The following CAMKMT variants were observed in gnomAD, a reference collection of about 807,000 sequenced individuals.
CAMKMT encodes calmodulin-lysine N-methyltransferase.
CAMKMT carries 53 observed loss-of-function variants against 48.0 expected under a neutral mutation model. That is an observed-to-expected ratio of 1.10 (90% CI 0.89 to 1.39). The LOEUF (loss-of-function observed/expected upper bound fraction) is 1.39. CAMKMT is among the 40% of genes most tolerant of loss of function. The probability of loss-of-function intolerance (pLI) is 0.00; values close to 1 mark genes in which losing one functional copy is unlikely to be tolerated. For synonymous variants in CAMKMT, 165 were observed against 152.3 expected (o/e 1.08, Z -0.61); for missense variants, 428 against 402.7 (o/e 1.06, Z -0.54).
At position 44,481,792 on chromosome 2, in the gene CAMKMT, T is replaced by C. The variant is rs2104684484; in HGVS notation, c.376+91487T>C. Among the ~76,000 whole-genome samples, 3 of 152,168 alleles carry C rather than the reference T, an allele frequency of 2.0e-5. 1 individual carries two copies. Among genetic ancestry groups the C allele is most frequent in the Non-Finnish European group, 4.4e-5 (3 of 67,896 alleles). On this transcript the variant is annotated intron_variant, in intron 3 of 10. Coordinates refer to ENST00000378494, the MANE Select transcript of CAMKMT (RefSeq NM_024766.5). ...CAAAGCTTGGAGTTGTTTTCAGAAA[T>C]TGAATGTATGCTGGTTTAAAAAATA...
intron 3 of CAMKMT, among the ~76,000 whole-genome samples, chr2:44,621,281 A>AATAAAATAAAATAAAAT (rs763807418): frequency 6.6e-6 from 1 of 151,070 alleles, no homozygotes; most frequent in African/African-American, 2.5e-5. Context: ...AAAAAAAAAA[A>AATAAAATAAAATAAAAT]AAAAGCATAA....
intron 3 of CAMKMT, among the ~76,000 whole-genome samples, chr2:44,528,143 C>G (rs752005382): frequency 3.3e-5 from 5 of 152,056 alleles, no homozygotes; most frequent in Admixed American, 6.6e-5. Flanking sequence ...CTGAATTTGT[C>G]CCTTTCTTTC....
intron 3 of CAMKMT, among the ~76,000 whole-genome samples, chr2:44,614,936 CTTTTTTT>C (rs3083440): frequency 1.4e-4 from 7 of 48,990 alleles, no homozygotes; most frequent in South Asian, 2.2e-3. Context: ...GGTCTCCTTG[CTTTTTTT>C]TTTTTTTTTT....
intron 3 of CAMKMT, among the ~76,000 whole-genome samples, chr2:44,619,772 T>C (rs1462594343): frequency 6.6e-6 from 1 of 152,226 alleles, no homozygotes; most frequent in Non-Finnish European, 1.5e-5. Flanking sequence ...GCACTTAACA[T>C]TGGATTTAGA....
chr2:44,721,218 G>A (rs529128878), intron 7 of CAMKMT, among the ~76,000 whole-genome samples: 1 of 152,046 alleles, frequency 6.6e-6, no homozygotes, highest in South Asian at 2.1e-4. Context: ...GACTTTGTTG[G>A]GAATCTACTA....
chr2:44,409,958 G>C (rs562468092), intron 3 of CAMKMT, among the ~76,000 whole-genome samples: 3 of 152,026 alleles, frequency 2.0e-5, no homozygotes, highest in Admixed American at 2.0e-4. Context: ...TAATGAAATA[G>C]ACAAATAATT....
intron 3 of CAMKMT, among the ~76,000 whole-genome samples, chr2:44,474,857 A>C (rs922233647): frequency 8.5e-5 from 13 of 152,226 alleles, no homozygotes; most frequent in African/African-American, 3.1e-4. Context: ...CTATTCTGCT[A>C]AAATGTAAGC....
rs754321350 is a variant in CAMKMT at position 44,707,467 on chromosome 2, C to A, written c.556+5C>A. ...GGAATGAAAAGGCCATCAGAAGTAT[C>A]CTTATTCAGATAGAAAACGGGTTTG... On this transcript the variant is annotated splice_donor_5th_base_variant and intron_variant, in intron 6 of 10. Coordinates refer to ENST00000378494, the MANE Select transcript of CAMKMT (RefSeq NM_024766.5). 1.9e-5 allele frequency: 31 copies of A among 1,610,476 alleles called. No homozygotes were observed. The highest frequency in any genetic ancestry group is 4.0e-5 in the African/African-American group (3 of 74,684).
At chr2:44,433,943 A>G (rs954606635) in intron 3 of CAMKMT, among the ~76,000 whole-genome samples, 1 of 152,184 alleles carries the variant, frequency 6.6e-6, no homozygotes, top group Non-Finnish European at 1.5e-5. Flanking sequence ...TTGTAAATAA[A>G]TGTGTGTTTT....
chr2:44,380,315 AAGAT>A (rs1482077743), intron 2 of CAMKMT, among the ~76,000 whole-genome samples: 1 of 152,036 alleles, frequency 6.6e-6, no homozygotes, highest in Admixed American at 6.6e-5. Flanking sequence ...GTTTAGGACA[AAGAT>A]AGAGTGAACT....
chr2:44,466,509 G>A (rs550319108), intron 3 of CAMKMT, among the ~76,000 whole-genome samples: 20 of 152,042 alleles, frequency 1.3e-4, no homozygotes, highest in African/African-American at 4.3e-4. Flanking sequence ...TAAAACTTAC[G>A]GAATGCAGCA....
At chr2:44,713,372 T>G (rs1408299890) in intron 6 of CAMKMT, among the ~76,000 whole-genome samples, 1 of 151,972 alleles carries the variant, frequency 6.6e-6, no homozygotes, top group Non-Finnish European at 1.5e-5. Flanking sequence ...CTAAGGAGGG[T>G]GTGGCCAGAG....
At chr2:44,518,297 GC>G (rs1350382491) in intron 3 of CAMKMT, among the ~76,000 whole-genome samples, 3 of 152,108 alleles carry the variant, frequency 2.0e-5, no homozygotes, top group Middle Eastern at 3.2e-3. Context: ...CTGCCATGTG[GC>G]ATAACTATTT....
At chr2:44,475,976 T>C (rs1013695781) in intron 3 of CAMKMT, among the ~76,000 whole-genome samples, 8 of 152,256 alleles carry the variant, frequency 5.3e-5, no homozygotes, top group African/African-American at 1.9e-4. Flanking sequence ...ATATAATGTA[T>C]GGTACCATAA....
chr2:44,470,397 T>A (rs950020774), intron 3 of CAMKMT, among the ~76,000 whole-genome samples: 1 of 152,146 alleles, frequency 6.6e-6, no homozygotes, highest in African/African-American at 2.4e-5. Flanking sequence ...CACCTGTGAG[T>A]TGGAATGGGC....
At chr2:44,410,515 T>G (rs932617420) in intron 3 of CAMKMT, among the ~76,000 whole-genome samples, 1 of 151,784 alleles carries the variant, frequency 6.6e-6, no homozygotes, top group African/African-American at 2.4e-5. Context: ...ATCAGCATAC[T>G]TTCATGCCAA....
chr2:44,429,730 A>G (rs1231523532), intron 3 of CAMKMT, among the ~76,000 whole-genome samples: 3 of 142,284 alleles, frequency 2.1e-5, no homozygotes, highest in South Asian at 2.4e-4. Flanking sequence ...GAACCCGGGA[A>G]GCGGAGCTTG....
intron 3 of CAMKMT, among the ~76,000 whole-genome samples, chr2:44,425,283 A>G (rs1684207204): frequency 2.0e-5 from 3 of 152,230 alleles, no homozygotes; most frequent in African/African-American, 7.2e-5. Context: ...TTTCAAATCT[A>G]CTTATGAAGA....
chr2:44,711,672 A>T (rs1210954042), intron 6 of CAMKMT, among the ~76,000 whole-genome samples: 2 of 152,144 alleles, frequency 1.3e-5, no homozygotes, highest in African/African-American at 2.4e-5. Flanking sequence ...GCCAAACCTC[A>T]TGTTAGTTAC....
Sources: allele counts gnomAD v4.1 joint callset (sites outside exome capture counted in the v4.1 genomes callset), GRCh38; gene constraint gnomAD v4.1.1; transcripts MANE v1.5; gene names NCBI Gene and HGNC (gene_info 2026-07-23, HGNC 2026-07-21).